The following MB21D2 variants were observed in gnomAD, a reference collection of about 807,000 sequenced individuals.
The protein encoded by MB21D2 is Mab-21 domain containing 2, also known as nucleotidyltransferase MB21D2.
Under a neutral mutation model 33.3 loss-of-function variants are expected in MB21D2, and 9 were observed. The ratio of observed to expected loss-of-function variants is 0.27; its 90% CI spans 0.16 to 0.47. The LOEUF (loss-of-function observed/expected upper bound fraction) is 0.47, where lower values mean the gene tolerates loss of function less well. Among genes scored for constraint, MB21D2 ranks in the 20% least tolerant of loss-of-function variants. MB21D2 has a pLI of 0.99. For missense variants in MB21D2, 540 were observed against 624.6 expected, an observed-to-expected ratio of 0.86 and a Z score of 1.44; for synonymous variants, 241 against 236.3, an observed-to-expected ratio of 1.02 and a Z score of -0.18.
Position 192,799,711 on chromosome 3 carries a change from G to A in MB21D2, c.212-61C>T. Reference sequence around the variant, plus strand: ...GGAAACACAGACATAAGAGTCTTATGCATGAAACAGAATGCTCTGATGTTC... The same window carrying A: ...GGAAACACAGACATAAGAGTCTTATACATGAAACAGAATGCTCTGATGTTC... On this transcript the variant is annotated intron_variant, in intron 1 of 1. Coordinates refer to ENST00000392452, the MANE Select transcript of MB21D2 (RefSeq NM_178496.4). The surrounding 1 kb of genome is among the most constrained non-coding windows in gnomAD (Gnocchi z 4.1). The A allele has an allele frequency of 6.7e-7, 1 of 1,499,944 alleles. No individual in the cohort carries two copies. Among genetic ancestry groups the A allele is most frequent in the Non-Finnish European group, 8.9e-7 (1 of 1,123,018 alleles). 92.9% of individuals were successfully genotyped at this position (1,499,944 alleles called of 1,614,324 possible).
At chr3:192,875,311 A>C (rs1713406552) in intron 1 of MB21D2, among the ~76,000 whole-genome samples, 1 of 152,250 alleles carries the variant, frequency 6.6e-6, no homozygotes, top group Non-Finnish European at 1.5e-5. Context: ...TGGCATCTAG[A>C]AGATACTCTG....
intron 1 of MB21D2, among the ~76,000 whole-genome samples, chr3:192,889,639 T>A (rs1253366025): frequency 6.6e-6 from 1 of 152,062 alleles, no homozygotes; most frequent in East Asian, 1.9e-4. Context: ...TGTTTTTAAA[T>A]GTGTAAATAC....
chr3:192,901,098 G>A (rs975027447), intron 1 of MB21D2, among the ~76,000 whole-genome samples: 1 of 152,126 alleles, frequency 6.6e-6, no homozygotes, highest in African/African-American at 2.4e-5. Context: ...GCCCGAGATG[G>A]CAGAGAGGAT....
chr3:192,864,703 C>T lies in MB21D2; in HGVS notation c.211+52927G>A, dbSNP rs557554950. Among the ~76,000 whole-genome samples, 472 of 152,160 alleles carry T rather than the reference C, an allele frequency of 3.1e-3. 2 individuals carry two copies. Among genetic ancestry groups the T allele is most frequent in the African/African-American group, 0.011 (454 of 41,518 alleles). On this transcript the variant is annotated intron_variant, in intron 1 of 1. Transcript: ENST00000392452. ...TGTACTTTTAGTAGAGATGGTGTTT[C>T]GCCATGTTGGCCAGGCTGGTCTCGG...
At chr3:192,818,654 G>C (rs1711978842) in intron 1 of MB21D2, among the ~76,000 whole-genome samples, 1 of 152,112 alleles carries the variant, frequency 6.6e-6, no homozygotes, top group African/African-American at 2.4e-5. Flanking sequence ...GTCCTTTTTA[G>C]AGTGGTATTT....
chr3:192,894,376 T>C (rs1713920767), intron 1 of MB21D2, among the ~76,000 whole-genome samples: 1 of 152,024 alleles, frequency 6.6e-6, no homozygotes, highest in African/African-American at 2.4e-5. Context: ...AGTGATCCAC[T>C]CGCCTCGGCC....
chr3:192,917,502 T>G (rs1288162427), intron 1 of MB21D2, 128 bp downstream of exon 1: 17 of 879,204 alleles, frequency 1.9e-5, no homozygotes, highest in Non-Finnish European at 2.5e-5. Context: ...AGAGATGGCT[T>G]ATACCCAAGG....
In MB21D2 at chr3:192,878,089, T is replaced by G. The variant is rs1385366260; in HGVS notation, c.211+39541A>C. On this transcript the variant is annotated intron_variant, in intron 1 of 1. Coordinates refer to ENST00000392452, the MANE Select transcript of MB21D2 (RefSeq NM_178496.4). ...TTCAAACAATTCCTCCTCTTTTTTTTTTTTTTTTTTTTGGTTTTTTTTGTT... is the reference window on the plus strand; with the variant it reads ...TTCAAACAATTCCTCCTCTTTTTTTGTTTTTTTTTTTTGGTTTTTTTTGTT... Among the ~76,000 whole-genome samples the G allele has an allele frequency of 3.6e-5, 5 of 140,740 alleles. No homozygotes were observed. In the East Asian group the frequency reaches 8.5e-4, roughly 24 times the overall value. 92.3% of individuals were successfully genotyped at this position (140,740 alleles called of 152,430 possible).
intron 1 of MB21D2, among the ~76,000 whole-genome samples, chr3:192,814,977 A>G (rs1424206777): frequency 6.6e-6 from 1 of 152,090 alleles, no homozygotes. Context: ...CCAACCATCT[A>G]AAAATGGAGC....
intron 1 of MB21D2, among the ~76,000 whole-genome samples, chr3:192,893,211 A>C (rs879269448): frequency 3.3e-5 from 5 of 152,186 alleles, no homozygotes; most frequent in Non-Finnish European, 7.3e-5. Context: ...ACAGCCAGCG[A>C]TGTGGGTTTC....
intron 1 of MB21D2, among the ~76,000 whole-genome samples, chr3:192,814,623 G>A (rs146267402): frequency 4.3e-4 from 66 of 152,228 alleles, no homozygotes; most frequent in African/African-American, 1.5e-3. Context: ...AGCACTTTGG[G>A]AGGCCAAGGT....
At chr3:192,843,515 AAT>A (rs1276512377) in intron 1 of MB21D2, among the ~76,000 whole-genome samples, 1 of 152,156 alleles carries the variant, frequency 6.6e-6, no homozygotes, top group Non-Finnish European at 1.5e-5. Flanking sequence ...ATTAAAAAGC[AAT>A]AGAGGTAGGG....
At chr3:192,917,228 A>G (rs952936598) in intron 1 of MB21D2, among the ~76,000 whole-genome samples, 18 of 152,178 alleles carry the variant, frequency 1.2e-4, no homozygotes, top group Non-Finnish European at 2.4e-4. Flanking sequence ...GCGTCGGGAA[A>G]GCGGAGGTCC....
chr3:192,797,697 T>C lies in MB21D2; in HGVS notation c.*689A>G, dbSNP rs1036631179. On this transcript the variant is annotated 3_prime_UTR_variant, in exon 2 of 2. Coordinates refer to ENST00000392452, the MANE Select transcript of MB21D2 (RefSeq NM_178496.4). ...CTTCAAATAATTACATATGCTAAAATTAACATTTGGAAACCTTAATTCTGC... is the reference window on the plus strand; with the variant it reads ...CTTCAAATAATTACATATGCTAAAACTAACATTTGGAAACCTTAATTCTGC... 4 of 152,628 alleles carry C rather than the reference T, an allele frequency of 2.6e-5. No homozygotes were observed. Among genetic ancestry groups the C allele is most frequent in the Non-Finnish European group, 5.9e-5 (4 of 68,030 alleles). 9.5% of individuals were successfully genotyped at this position (152,628 alleles called of 1,614,324 possible).
chr3:192,900,566 T>A (rs1399528279), intron 1 of MB21D2, among the ~76,000 whole-genome samples: 1 of 152,138 alleles, frequency 6.6e-6, no homozygotes, highest in Non-Finnish European at 1.5e-5. Flanking sequence ...AAAGCTTCTT[T>A]TTTTTTTCTT....
At chr3:192,846,686 A>G (rs1001481934) in intron 1 of MB21D2, among the ~76,000 whole-genome samples, 2 of 152,210 alleles carry the variant, frequency 1.3e-5, no homozygotes, top group Non-Finnish European at 2.9e-5. Context: ...AATCAGAGAA[A>G]CAGCCATCAT....
chr3:192,808,822 A>G (rs1711721743), intron 1 of MB21D2, among the ~76,000 whole-genome samples: 1 of 152,202 alleles, frequency 6.6e-6, no homozygotes, highest in Non-Finnish European at 1.5e-5. Context: ...GGCCTACTCT[A>G]TGTCATTTGT....
At chr3:192,811,489 T>C (rs956902178) in intron 1 of MB21D2, among the ~76,000 whole-genome samples, 1 of 152,138 alleles carries the variant, frequency 6.6e-6, no homozygotes, top group African/African-American at 2.4e-5. Flanking sequence ...AAGGGATTAC[T>C]TGCTCTTTCC....
chr3:192,871,877 G>A (rs1037932774), intron 1 of MB21D2, among the ~76,000 whole-genome samples: 14 of 152,186 alleles, frequency 9.2e-5, no homozygotes, highest in African/African-American at 2.9e-4. Context: ...ACTCTCCCGG[G>A]TGGTTCAAAA....
Sources: gnomAD v4.1 joint callset for allele counts (sites outside exome capture counted in the v4.1 genomes callset) on GRCh38, gnomAD v4.1.1 for gene constraint, Gnocchi (gnomAD v3.1) non-coding constraint, MANE v1.5 for transcripts, NCBI Gene and HGNC (gene_info 2026-07-23, HGNC 2026-07-21) for gene names.